The following AIG1 variants were observed in gnomAD, a reference collection of about 807,000 sequenced individuals.
AIG1 encodes androgen-induced gene 1 protein.
A neutral mutation model predicts 31.4 loss-of-function variants in AIG1; 23 were observed. The observed-to-expected ratio is 0.73, with a 90% CI of 0.53 to 1.04. The LOEUF is 1.04. Among genes scored for constraint, AIG1 ranks in the 50% least tolerant of loss-of-function variants. AIG1 has a pLI of 0.00. For synonymous variants in AIG1, 100 were observed against 110.5 expected (o/e 0.90, Z 0.60); for missense variants, 274 against 295.0 (o/e 0.93, Z 0.52).
At chr6:143,120,850 G>C (rs189184514) in intron 1 of AIG1, among the ~76,000 whole-genome samples, 1 of 152,158 alleles carries the variant, frequency 6.6e-6, no homozygotes, top group Admixed American at 6.5e-5. Context: ...TGACATGTTC[G>C]TGATGGCCGT....
chr6:143,302,732 A>G (rs1349182414), intron 4 of AIG1, among the ~76,000 whole-genome samples: 2 of 152,174 alleles, frequency 1.3e-5, no homozygotes, highest in African/African-American at 4.8e-5. Context: ...TCCTTTGGGT[A>G]TATATCCAGT....
downstream of AIG1, chr6:143,342,636 G>GTTA: frequency 8.6e-7 from 1 of 1,166,600 alleles, no homozygotes; most frequent in South Asian, 1.2e-5. Flanking sequence ...GGGGTCCAGA[G>GTTA]TTATTTTGAT....
chr6:143,110,954 T>G (rs933435847), intron 1 of AIG1, among the ~76,000 whole-genome samples: 1 of 152,222 alleles, frequency 6.6e-6, no homozygotes, highest in Non-Finnish European at 1.5e-5. Context: ...CTTAAATCTT[T>G]GATTTACCAT....
At chr6:143,251,416 A>C (rs112000362) in intron 3 of AIG1, among the ~76,000 whole-genome samples, 3 of 152,170 alleles carry the variant, frequency 2.0e-5, no homozygotes, top group African/African-American at 7.2e-5. Flanking sequence ...ATCAATTCAC[A>C]TACTTTCTTA....
intron 1 of AIG1, among the ~76,000 whole-genome samples, chr6:143,088,032 C>T (rs556446756): frequency 9.9e-5 from 15 of 152,226 alleles, no homozygotes; most frequent in African/African-American, 3.4e-4. Flanking sequence ...AACCTTGAGC[C>T]AGACATAAAT....
intron 3 of AIG1, among the ~76,000 whole-genome samples, chr6:143,217,608 A>T (rs1792128450): frequency 6.6e-6 from 1 of 152,150 alleles, no homozygotes; most frequent in African/African-American, 2.4e-5. Flanking sequence ...TCCCAGGTCC[A>T]ATCAATTCTC....
At chr6:143,116,640 G>A (rs905669278) in intron 1 of AIG1, among the ~76,000 whole-genome samples, 1 of 149,994 alleles carries the variant, frequency 6.7e-6, no homozygotes, top group African/African-American at 2.5e-5. Context: ...TAAGCCAATG[G>A]GGATGGCACC....
At chr6:143,188,676 A>C in intron 3 of AIG1, 1 of 984,192 alleles carries the variant, frequency 1.0e-6, no homozygotes, top group Non-Finnish European at 1.2e-6. Flanking sequence ...AATAAATAGG[A>C]CCATCCAACC....
intron 3 of AIG1, chr6:143,187,298 A>G (rs1789349168): frequency 9.2e-7 from 1 of 1,087,330 alleles, no homozygotes; most frequent in Admixed American, 2.0e-5. Flanking sequence ...TTTGACTGCT[A>G]ATATTCACAC....
rs985808831 is a variant in AIG1, at chr6:143,299,236, G to A, written c.515+15011G>A. Reference sequence around the variant, plus strand: ...GACAGAGCAGTACCACTTCTCCTTAGCATCATGTACAATTTCTTCTCTGCT... The same window carrying A: ...GACAGAGCAGTACCACTTCTCCTTAACATCATGTACAATTTCTTCTCTGCT... On this transcript the variant is annotated intron_variant, in intron 4 of 5. Transcript: ENST00000357847. This position sits in a 1 kb window ranked among gnomAD's most constrained non-coding sequence, Gnocchi z 4.1. 12 of 152,162 alleles carry A rather than the reference G, an allele frequency of 7.9e-5. No individual in the cohort carries two copies. The highest frequency in any genetic ancestry group is 2.9e-4 in the African/African-American group (12 of 41,420). 9.4% of individuals were successfully genotyped at this position (152,162 alleles called of 1,614,324 possible). A position where few individuals can be genotyped will look rare whatever the true frequency, so the allele number is the denominator to read the frequency against.
intron 1 of AIG1, among the ~76,000 whole-genome samples, chr6:143,120,698 A>G (rs1782166252): frequency 6.6e-6 from 1 of 152,254 alleles, no homozygotes. Flanking sequence ...ACACACAGCC[A>G]AACCATATTA....
intron 3 of AIG1, among the ~76,000 whole-genome samples, chr6:143,226,420 T>G (rs1792963322): frequency 6.6e-6 from 1 of 151,868 alleles, no homozygotes; most frequent in African/African-American, 2.4e-5. Context: ...TTGTATTTTT[T>G]TTTTTAGTAG....
chr6:143,245,226 A>C (rs929088832), intron 3 of AIG1, among the ~76,000 whole-genome samples: 1 of 152,242 alleles, frequency 6.6e-6, no homozygotes, highest in Non-Finnish European at 1.5e-5. Context: ...ATATCATTTG[A>C]TGCTTACAAT....
intron 3 of AIG1, among the ~76,000 whole-genome samples, chr6:143,218,261 T>C (rs1792188256): frequency 6.6e-6 from 1 of 152,184 alleles, no homozygotes; most frequent in Non-Finnish European, 1.5e-5. Context: ...TTCCAAAACC[T>C]TGAACTCTGA....
At chr6:143,274,891 T>C (rs1796785130) in intron 3 of AIG1, among the ~76,000 whole-genome samples, 1 of 152,226 alleles carries the variant, frequency 6.6e-6, no homozygotes, top group Non-Finnish European at 1.5e-5. Context: ...GAATTAAATA[T>C]GATAACAGTG....
chr6:143,336,459 C>T (rs1777500877), intron 5 of AIG1, among the ~76,000 whole-genome samples: 1 of 152,128 alleles, frequency 6.6e-6, no homozygotes, highest in African/African-American at 2.4e-5. Context: ...GTCCAGTCTC[C>T]AAATTTCCCC....
At chr6:143,259,550 T>A (rs1202293386) in intron 3 of AIG1, among the ~76,000 whole-genome samples, 2 of 152,226 alleles carry the variant, frequency 1.3e-5, no homozygotes, top group African/African-American at 4.8e-5. Flanking sequence ...TGCCTTTCTT[T>A]TAAATGAGCG....
In AIG1 at chr6:143,279,516, C is replaced by T. The variant is rs180998106; in HGVS notation, c.400-4594C>T. ...TGTCCCATCTGCTTCCGAGTCTTCA[C>T]ATCAGAATTAATCATGGGTCCTTCC... On this transcript the variant is annotated intron_variant, in intron 3 of 5. Coordinates refer to ENST00000357847, the MANE Select transcript of AIG1 (RefSeq NM_016108.4). This position sits in a 1 kb window ranked among gnomAD's most constrained non-coding sequence, Gnocchi z 5.4. Among the ~76,000 whole-genome samples, 44 of 152,178 alleles carry T rather than the reference C, an allele frequency of 2.9e-4. No homozygotes were observed. The highest frequency in any genetic ancestry group is 6.0e-4 in the Non-Finnish European group (41 of 68,048).
At chr6:143,237,710 A>C (rs72990444) in intron 3 of AIG1, among the ~76,000 whole-genome samples, 15,961 of 152,166 alleles carry the variant, frequency 0.1, 880 homozygotes, top group African/African-American at 0.14. Context: ...TTCTATTAGA[A>C]ATGTAGGAGA....
Sources: gnomAD v4.1 joint callset for allele counts (sites outside exome capture counted in the v4.1 genomes callset) on GRCh38, gnomAD v4.1.1 for gene constraint, Gnocchi (gnomAD v3.1) non-coding constraint, MANE v1.5 for transcripts, NCBI Gene and HGNC (gene_info 2026-07-23, HGNC 2026-07-21) for gene names.